Variants in NTRK2 observed in about 807,000 individuals in gnomAD.
NTRK2 encodes the protein BDNF/NT-3 growth factors receptor.
A neutral mutation model predicts 94.5 loss-of-function variants in NTRK2; 13 were observed. The ratio of observed to expected loss-of-function variants is 0.14; its 90% CI spans 0.09 to 0.22. The LOEUF (loss-of-function observed/expected upper bound fraction) is 0.22, where lower values mean the gene tolerates loss of function less well. Ranked by LOEUF, NTRK2 falls within the 10% of genes least tolerant of loss-of-function variation. The pLI is 1.00. For missense variants in NTRK2, 639 were observed against 1,071.2 expected, an observed-to-expected ratio of 0.60 and a Z score of 5.63; for synonymous variants, 372 against 407.4, an observed-to-expected ratio of 0.91 and a Z score of 1.05.
intron 6 of NTRK2, among the ~76,000 whole-genome samples, chr9:84,713,514 T>C (rs879570997): frequency 3.3e-5 from 5 of 152,202 alleles, no homozygotes; most frequent in Admixed American, 6.5e-5. Flanking sequence ...TTGTATATCA[T>C]AGACTTTTGT....
intron 12 of NTRK2, among the ~76,000 whole-genome samples, chr9:84,793,430 G>A (rs1588637675): frequency 6.6e-6 from 1 of 152,112 alleles, no homozygotes; most frequent in Admixed American, 6.6e-5. Context: ...GCACTACTAT[G>A]TCTGCACTGA....
chr9:84,949,220 G>A (rs1468922224), intron 16 of NTRK2, among the ~76,000 whole-genome samples: 1 of 152,182 alleles, frequency 6.6e-6, no homozygotes, highest in East Asian at 1.9e-4. Flanking sequence ...AAGAAGAAAA[G>A]CTTCAGAAGG....
chr9:84,675,323 C>CTTTTTTTTTTTT (rs1564023863), intron 2 of NTRK2, among the ~76,000 whole-genome samples: 1 of 69,560 alleles, frequency 1.4e-5, no homozygotes, highest in African/African-American at 5.6e-5. Context: ...TTCTTTCTTT[C>CTTTTTTTTTTTT]CTTTTTTTTT....
intron 14 of NTRK2, among the ~76,000 whole-genome samples, chr9:84,891,122 C>T (rs1170121357): frequency 6.6e-6 from 1 of 151,902 alleles, no homozygotes; most frequent in Non-Finnish European, 1.5e-5. Context: ...TGCCTGTGGC[C>T]GATAGTTGGT....
At chr9:84,858,227 C>A (rs1299765154) in intron 12 of NTRK2, among the ~76,000 whole-genome samples, 1 of 152,146 alleles carries the variant, frequency 6.6e-6, no homozygotes, top group Non-Finnish European at 1.5e-5. Flanking sequence ...CTTAACCAAT[C>A]TCTTGCCTTA....
At chr9:84,949,118 T>TG (rs947946077) in intron 16 of NTRK2, among the ~76,000 whole-genome samples, 16 of 152,022 alleles carry the variant, frequency 1.1e-4, no homozygotes, top group Admixed American at 4.6e-4. Flanking sequence ...GCTGAAAGGG[T>TG]GGGGCAGGTG....
intron 17 of NTRK2, among the ~76,000 whole-genome samples, chr9:85,013,823 C>T (rs923034874): frequency 6.6e-6 from 1 of 152,190 alleles, no homozygotes; most frequent in Non-Finnish European, 1.5e-5. Flanking sequence ...CTACAAGTTT[C>T]TAAGGGACTA....
At chr9:84,975,531 G>T (rs1320677411) in intron 17 of NTRK2, among the ~76,000 whole-genome samples, 1 of 152,162 alleles carries the variant, frequency 6.6e-6, no homozygotes, top group East Asian at 1.9e-4. Flanking sequence ...AAGTCAAGTT[G>T]CACAGGCAGT....
chr9:84,973,916 A>T (rs561453665), intron 17 of NTRK2, among the ~76,000 whole-genome samples: 3 of 152,382 alleles, frequency 2.0e-5, no homozygotes, highest in Admixed American at 6.5e-5. Context: ...TTTCTCCTAC[A>T]GAATGTACAG....
rs200774617 is a variant in NTRK2, at chr9:84,875,089, G to A, written c.1633+7658G>A. The A allele has an allele frequency of 1.1e-5, 12 of 1,059,550 alleles. No individual in the cohort carries two copies. In the South Asian group the frequency reaches 1.8e-4, roughly 16 times the overall value. 65.6% of individuals were successfully genotyped at this position (1,059,550 alleles called of 1,614,324 possible). A position where few individuals can be genotyped will look rare whatever the true frequency, so the allele number is the denominator to read the frequency against. ...CCAGTTAGAGTTAACCACTGATATC[G>A]TTTGGATATATGGCTTTCTAGTCTT... On this transcript the variant is annotated intron_variant, in intron 14 of 18. Transcript: ENST00000277120.
intron 15 of NTRK2, among the ~76,000 whole-genome samples, chr9:84,939,883 C>T (rs2078346393): frequency 1.3e-5 from 2 of 152,068 alleles, no homozygotes. Flanking sequence ...TGGCTTAATT[C>T]TCAGGCAGGT....
chr9:84,962,626 A>C (rs559859026), intron 17 of NTRK2, among the ~76,000 whole-genome samples: 1 of 152,122 alleles, frequency 6.6e-6, no homozygotes, highest in African/African-American at 2.4e-5. Context: ...GACATTGCCC[A>C]TTGGCTTGGA....
In NTRK2 at chr9:84,906,945, G is replaced by T. The variant is rs1422164228; in HGVS notation, c.1634-27217G>T. 1.3e-4 allele frequency among the ~76,000 whole-genome samples: 20 copies of T among 152,182 alleles called. 1 individual carries two copies. Among genetic ancestry groups the T allele is most frequent in the Admixed American group, 1.3e-3 (20 of 15,280 alleles). Reference sequence around the variant, plus strand: ...TTTTGTTAAAGTAATTTTAAAAGGAGTGTTCCTTTTTCAAAAAGAAAAATT... The same window carrying T: ...TTTTGTTAAAGTAATTTTAAAAGGATTGTTCCTTTTTCAAAAAGAAAAATT... On this transcript the variant is annotated intron_variant, in intron 14 of 18. Transcript: ENST00000277120.
At chr9:84,947,452 C>T (rs920345419) in intron 15 of NTRK2, among the ~76,000 whole-genome samples, 1 of 152,186 alleles carries the variant, frequency 6.6e-6, no homozygotes, top group Non-Finnish European at 1.5e-5. Flanking sequence ...CCTTCCATGC[C>T]AGTGACCACA....
intron 12 of NTRK2, among the ~76,000 whole-genome samples, chr9:84,777,476 G>C (rs1372033734): frequency 6.6e-6 from 1 of 152,178 alleles, no homozygotes; most frequent in African/African-American, 2.4e-5. Flanking sequence ...GAAACTTTCA[G>C]AAATATTGTA....
intron 9 of NTRK2, among the ~76,000 whole-genome samples, chr9:84,733,938 T>A (rs1231639970): frequency 6.6e-6 from 1 of 152,234 alleles, no homozygotes; most frequent in East Asian, 1.9e-4. Flanking sequence ...ATGTTTGAAC[T>A]TGGAATCCTG....
rs71369141 is a variant in NTRK2 at position 84,706,527 on chromosome 9, G to GTT, written c.360-1298_360-1297dup. ...CTCATGTGTGTTATTTTTTGTTTTT[G>GTT]TTTTTTTTTTTTTTTTTTTTGAGAC... On this transcript the variant is annotated intron_variant, in intron 4 of 18. Coordinates refer to ENST00000277120, the MANE Select transcript of NTRK2 (RefSeq NM_006180.6). 9.2e-4 allele frequency among the ~76,000 whole-genome samples: 75 copies of GTT among 81,674 alleles called. 1 individual carries two copies. Among genetic ancestry groups the GTT allele is most frequent in the Non-Finnish European group, 1.3e-3 (59 of 46,646 alleles). 53.6% of individuals were successfully genotyped at this position (81,674 alleles called of 152,430 possible).
chr9:85,002,156 G>A (rs1565445), intron 17 of NTRK2, among the ~76,000 whole-genome samples: 111,046 of 151,958 alleles, frequency 0.73, 41,224 homozygotes, highest in African/African-American at 0.82. Flanking sequence ...TTGGAAGGTG[G>A]TTTTTAGCCA....
intron 12 of NTRK2, among the ~76,000 whole-genome samples, chr9:84,754,945 T>A (rs993507454): frequency 6.6e-6 from 1 of 152,154 alleles, no homozygotes; most frequent in African/African-American, 2.4e-5. Context: ...GACAGTTCAA[T>A]GCTGCTGATA....
Sources: gnomAD v4.1 joint callset for allele counts (sites outside exome capture counted in the v4.1 genomes callset) on GRCh38, gnomAD v4.1.1 for gene constraint, MANE v1.5 for transcripts, NCBI Gene and HGNC (gene_info 2026-07-23, HGNC 2026-07-21) for gene names.